TAFA2: variants seen among roughly 807,000 people sequenced by gnomAD.
TAFA2 encodes the protein chemokine-like protein TAFA-2.
Under a neutral mutation model 18.8 loss-of-function variants are expected in TAFA2, and 7 were observed. The ratio of observed to expected loss-of-function variants is 0.37; its 90% CI spans 0.21 to 0.70. The LOEUF (loss-of-function observed/expected upper bound fraction) is 0.70, where lower values mean the gene tolerates loss of function less well. Ranked by LOEUF, TAFA2 falls within the 30% of genes least tolerant of loss-of-function variation. TAFA2 has a pLI of 0.53. For synonymous variants in TAFA2, 60 were observed against 54.2 expected, an observed-to-expected ratio of 1.11 and a Z score of -0.47; for missense variants, 122 against 158.1, an observed-to-expected ratio of 0.77 and a Z score of 1.23.
intron 4 of TAFA2, among the ~76,000 whole-genome samples, chr12:61,749,746 T>C (rs1868919246): frequency 6.6e-6 from 1 of 152,052 alleles, no homozygotes; most frequent in Non-Finnish European, 1.5e-5. Flanking sequence ...GAAAAGTCAA[T>C]AGACCTGGGA....
At chr12:61,720,096 A>G (rs1869832523) in intron 4 of TAFA2, among the ~76,000 whole-genome samples, 1 of 152,062 alleles carries the variant, frequency 6.6e-6, no homozygotes, top group Non-Finnish European at 1.5e-5. Context: ...TCTGATAACA[A>G]CCATCATAGT....
intron 1 of TAFA2, among the ~76,000 whole-genome samples, chr12:62,249,271 C>CT (rs2062900926): frequency 2.8e-5 from 2 of 72,222 alleles, no homozygotes; most frequent in Admixed American, 3.9e-4. Context: ...CTTTTTTTTC[C>CT]TAAAAAAAAA....
rs140320571 is a variant in TAFA2 at position 62,161,041 on chromosome 12, C to T, written c.-2+30218G>A. Among the ~76,000 whole-genome samples the T allele has an allele frequency of 4.0e-3, 604 of 152,280 alleles. 3 individuals are homozygous for T. Among genetic ancestry groups the T allele is most frequent in the Middle Eastern group, 0.01 (3 of 294 alleles). The stretch of plus-strand genomic sequence containing the variant: ...TATGAATGTATGACAATTAAAGATA[C>T]GGTACAAAAGTACTCAGTGAGCCTA... On this transcript the variant is annotated intron_variant, in intron 1 of 4. Coordinates refer to ENST00000416284, the MANE Select transcript of TAFA2 (RefSeq NM_178539.5).
intron 1 of TAFA2, among the ~76,000 whole-genome samples, chr12:61,984,473 G>A (rs1322565530): frequency 6.6e-6 from 1 of 152,124 alleles, no homozygotes; most frequent in African/African-American, 2.4e-5. Context: ...AGTGAACAGA[G>A]GACTGCAAAG....
chr12:61,955,617 AAAAAAAAAAAAAAAAATATATATATATAT>A lies in TAFA2; in HGVS notation c.-1-88220_-1-88192del, dbSNP rs1326149307. Among the ~76,000 whole-genome samples, 16 of 29,302 alleles carry A rather than the reference AAAAAAAAAAAAAAAAATATATATATATAT, an allele frequency of 5.5e-4. 1 individual carries two copies. Among genetic ancestry groups the A allele is most frequent in the African/African-American group, 1.5e-3 (16 of 10,682 alleles). The allele number at this position is 29,302 out of a possible 152,430, so 19.2% of individuals were successfully genotyped here. A position where few individuals can be genotyped will look rare whatever the true frequency, so the allele number is the denominator to read the frequency against. On this transcript the variant is annotated intron_variant, in intron 1 of 4. Coordinates refer to ENST00000416284, the MANE Select transcript of TAFA2 (RefSeq NM_178539.5). ...CTCCATCTCAAAAAAAAAAAAAAAA[AAAAAAAAAAAAAAAAATATATATATATAT>A]ATATATATATATATATATATATATT...
chr12:61,931,762 C>G (rs771377341), intron 1 of TAFA2, among the ~76,000 whole-genome samples: 2 of 152,230 alleles, frequency 1.3e-5, no homozygotes, highest in East Asian at 1.9e-4. Context: ...GCTTATATAG[C>G]AACTTTATCA....
At chr12:62,169,624 G>A (rs2062463249) in intron 1 of TAFA2, among the ~76,000 whole-genome samples, 1 of 152,050 alleles carries the variant, frequency 6.6e-6, no homozygotes, top group South Asian at 2.1e-4. Context: ...GGCCGAGGCG[G>A]GCAGATCACG....
chr12:61,952,475 T>C (rs1330152894), intron 1 of TAFA2, among the ~76,000 whole-genome samples: 1 of 152,088 alleles, frequency 6.6e-6, no homozygotes, highest in Non-Finnish European at 1.5e-5. Context: ...TAAGTCAAGT[T>C]AACTTATTCT....
intron 1 of TAFA2, chr12:62,235,243 G>A (rs774153774): frequency 6.2e-5 from 41 of 662,944 alleles, no homozygotes; most frequent in Non-Finnish European, 1.1e-4. Flanking sequence ...TCAGGCAGTG[G>A]CATACTGAAC....
intron 1 of TAFA2, among the ~76,000 whole-genome samples, chr12:62,049,845 G>T (rs1260608065): frequency 3.3e-5 from 5 of 152,158 alleles, no homozygotes; most frequent in Non-Finnish European, 7.3e-5. Context: ...GCAGAACAAA[G>T]ATCAACTCTC....
chr12:62,230,074 T>C (rs1336600933), intron 1 of TAFA2, among the ~76,000 whole-genome samples: 2 of 152,126 alleles, frequency 1.3e-5, no homozygotes, highest in Non-Finnish European at 2.9e-5. Flanking sequence ...TGTGGTTATG[T>C]TCCCCTTTTC....
At chr12:62,174,945 G>T (rs75035316) in intron 1 of TAFA2, among the ~76,000 whole-genome samples, 3,058 of 152,258 alleles carry the variant, frequency 0.02, 93 homozygotes, top group African/African-American at 0.068. Flanking sequence ...AACTCCGAGA[G>T]TAATGATGCT....
intron 3 of TAFA2, 76 bp from the exon 4 acceptor site, chr12:61,753,822 C>G (rs575709166): frequency 1.5e-6 from 2 of 1,335,826 alleles, no homozygotes; most frequent in Non-Finnish European, 2.0e-6. Flanking sequence ...TAAAGAGGAA[C>G]AAAAGCCACT....
At chr12:62,221,710 C>T (rs986285274) in intron 1 of TAFA2, among the ~76,000 whole-genome samples, 3 of 151,782 alleles carry the variant, frequency 2.0e-5, no homozygotes, top group Non-Finnish European at 4.4e-5. Context: ...AATATAAAGA[C>T]AAAAATGATA....
At chr12:61,903,279 CT>C (rs59924344) in intron 1 of TAFA2, among the ~76,000 whole-genome samples, 36,741 of 151,992 alleles carry the variant, frequency 0.24, 5,611 homozygotes, top group East Asian at 0.37. Flanking sequence ...ACCTATCCTT[CT>C]CCCCCTCCCT....
Position 62,234,575 on chromosome 12 carries a change from A to G in TAFA2, c.-130+24188T>C, listed in dbSNP as rs140351395. On this transcript the variant is annotated intron_variant, in intron 1 of 5. Transcript: ENST00000551619. The stretch of plus-strand genomic sequence containing the variant: ...TGTCATCTACGCTCATTAGAACGGA[A>G]GAAAGACCATAAACACCTTTCCCGT... 7.6e-4 allele frequency: 629 copies of G among 830,868 alleles called. 7 individuals carry two copies. In the Admixed American group the frequency reaches 9.7e-3, roughly 13 times the overall value. 51.5% of individuals were successfully genotyped at this position (830,868 alleles called of 1,614,324 possible).
intron 1 of TAFA2, among the ~76,000 whole-genome samples, chr12:61,939,169 A>G (rs1877894903): frequency 2.6e-5 from 4 of 152,204 alleles, no homozygotes; most frequent in African/African-American, 4.8e-5. Flanking sequence ...AAGTTTTTCA[A>G]TGGTATCTGG....
chr12:61,747,972 A>C (rs1013832656), intron 4 of TAFA2, among the ~76,000 whole-genome samples: 1 of 152,166 alleles, frequency 6.6e-6, no homozygotes, highest in Non-Finnish European at 1.5e-5. Flanking sequence ...CTCTTCATTC[A>C]GTAGTTTGTT....
intron 4 of TAFA2, among the ~76,000 whole-genome samples, chr12:61,717,153 CAGGTT>C (rs1178053999): frequency 6.6e-6 from 1 of 152,158 alleles, no homozygotes; most frequent in Admixed American, 6.5e-5. Flanking sequence ...TCTGCAGTAG[CAGGTT>C]TTCTCATTTA....
Sources: allele counts gnomAD v4.1 joint callset (sites outside exome capture counted in the v4.1 genomes callset), GRCh38; gene constraint gnomAD v4.1.1; transcripts MANE v1.5; gene names NCBI Gene and HGNC (gene_info 2026-07-23, HGNC 2026-07-21).